The following HMGN3 variants were observed in gnomAD, a reference collection of about 807,000 sequenced individuals.
HMGN3 encodes the protein high mobility group nucleosomal binding domain 3, also known as high mobility group nucleosome-binding domain-containing protein 3.
HMGN3 carries 6 observed loss-of-function variants against 18.8 expected under a neutral mutation model. The observed-to-expected ratio is 0.32, with a 90% confidence interval of 0.18 to 0.63. HMGN3 has a LOEUF of 0.63. Among genes scored for constraint, HMGN3 ranks in the 30% least tolerant of loss-of-function variants. HMGN3 has a pLI of 0.79. For synonymous variants in HMGN3, 40 were observed against 36.5 expected (o/e 1.10, Z -0.35); for missense variants, 107 against 114.2 (o/e 0.94, Z 0.29).
chr6:79,224,732 T>C (rs1777478233), intron 1 of HMGN3, among the ~76,000 whole-genome samples: 1 of 152,226 alleles, frequency 6.6e-6, no homozygotes. Flanking sequence ...AGACGTCAAG[T>C]GACCTTCCCG....
At chr6:79,207,999 C>G (rs987014809) in intron 3 of HMGN3, among the ~76,000 whole-genome samples, 1 of 152,116 alleles carries the variant, frequency 6.6e-6, no homozygotes, top group Non-Finnish European at 1.5e-5. Flanking sequence ...GGATGTCCAC[C>G]TCAGAGGCTC....
intron 1 of HMGN3, among the ~76,000 whole-genome samples, chr6:79,217,254 G>A (rs1777036265): frequency 6.6e-6 from 1 of 152,206 alleles, no homozygotes; most frequent in South Asian, 2.1e-4. Context: ...TACACCTGCA[G>A]TCAGGAACAA....
At chr6:79,218,971 A>G (rs562016630) in intron 1 of HMGN3, among the ~76,000 whole-genome samples, 1 of 152,278 alleles carries the variant, frequency 6.6e-6, no homozygotes, top group South Asian at 2.1e-4. Flanking sequence ...TGAACAAAAG[A>G]GAGGTTAGGT....
At chr6:79,203,126 C>T (rs537941423) in intron 4 of HMGN3, among the ~76,000 whole-genome samples, 2 of 152,272 alleles carry the variant, frequency 1.3e-5, no homozygotes, top group South Asian at 2.1e-4. Context: ...ACCTTATCTG[C>T]CATACTATAA....
At chr6:79,230,570 T>G (rs1456458571) in intron 1 of HMGN3, among the ~76,000 whole-genome samples, 1 of 152,172 alleles carries the variant, frequency 6.6e-6, no homozygotes, top group Admixed American at 6.5e-5. Context: ...AAATTACATC[T>G]CATTATTCTT....
At chr6:79,221,838 C>A (rs1319079018) in intron 1 of HMGN3, among the ~76,000 whole-genome samples, 1 of 124,640 alleles carries the variant, frequency 8.0e-6, no homozygotes, top group Non-Finnish European at 1.8e-5. Flanking sequence ...ATTTTCAGCA[C>A]AGTGTTGGAC....
At chr6:79,213,337 CTTGATTTACTT>C (rs1467055991) in intron 2 of HMGN3, among the ~76,000 whole-genome samples, 1 of 152,146 alleles carries the variant, frequency 6.6e-6, no homozygotes, top group Non-Finnish European at 1.5e-5. Flanking sequence ...TTCTCACAAG[CTTGATTTACTT>C]TTGGTGTAGT....
chr6:79,218,085 A>C (rs1409019265), intron 1 of HMGN3, among the ~76,000 whole-genome samples: 1 of 152,222 alleles, frequency 6.6e-6, no homozygotes, highest in Non-Finnish European at 1.5e-5. Flanking sequence ...GAGACGTTTT[A>C]ACTTTTTGTT....
chr6:79,214,889 T>C, intron 2 of HMGN3, 83 bp downstream of exon 2: 1 of 812,672 alleles, frequency 1.2e-6, no homozygotes, highest in Non-Finnish European at 2.0e-6. Flanking sequence ...ATTGTCCGCA[T>C]TTCATTCAGA....
intron 2 of HMGN3, among the ~76,000 whole-genome samples, chr6:79,212,683 A>G (rs186154541): frequency 1.3e-5 from 2 of 152,356 alleles, no homozygotes; most frequent in Admixed American, 1.3e-4. Flanking sequence ...CCCCTGAAGT[A>G]CTATCTTCTG....
intron 3 of HMGN3, among the ~76,000 whole-genome samples, chr6:79,206,437 G>A (rs1241023462): frequency 3.9e-5 from 6 of 152,134 alleles, no homozygotes; most frequent in African/African-American, 1.4e-4. Context: ...TAAGGTACAG[G>A]GGCTATTGCT....
intron 1 of HMGN3, among the ~76,000 whole-genome samples, chr6:79,219,483 A>G (rs1453958097): frequency 6.6e-6 from 1 of 152,160 alleles, no homozygotes; most frequent in Non-Finnish European, 1.5e-5. Context: ...AAACAAATCT[A>G]GAAGGAAGGA....
At chr6:79,234,318 C>A (rs1389792780) in intron 1 of HMGN3, 1 of 416,846 alleles carries the variant, frequency 2.4e-6, no homozygotes, top group African/African-American at 2.0e-5. Context: ...AGAAGGGAAA[C>A]CGCGTCACTG....
At chr6:79,214,701 C>T (rs570982346) in intron 2 of HMGN3, among the ~76,000 whole-genome samples, 1 of 152,176 alleles carries the variant, frequency 6.6e-6, no homozygotes, top group Non-Finnish European at 1.5e-5. Flanking sequence ...TCAGTATCTG[C>T]TTTAACAGAA....
At chr6:79,226,458 C>G (rs913202819) in intron 1 of HMGN3, among the ~76,000 whole-genome samples, 1 of 152,122 alleles carries the variant, frequency 6.6e-6, no homozygotes, top group African/African-American at 2.4e-5. Flanking sequence ...AAAGAGACCT[C>G]TTTCTTAGCT....
At chr6:79,202,386 C>T in exon 5 of HMGN3, 1 of 1,612,164 alleles carries the variant, frequency 6.2e-7, no homozygotes, top group Non-Finnish European at 8.5e-7. Flanking sequence ...GCTCCAGGTT[C>T]TTTCTAACAG....
chr6:79,207,189 T>C (rs1234741035), intron 3 of HMGN3, among the ~76,000 whole-genome samples: 1 of 152,076 alleles, frequency 6.6e-6, no homozygotes, highest in East Asian at 1.9e-4. Flanking sequence ...GAAGGCATGA[T>C]TGGTTTTGAA....
At chr6:79,228,879 A>G (rs1777693634) in intron 1 of HMGN3, among the ~76,000 whole-genome samples, 1 of 152,196 alleles carries the variant, frequency 6.6e-6, no homozygotes, top group Non-Finnish European at 1.5e-5. Flanking sequence ...AAGATAGTGT[A>G]GCACTGGTAT....
chr6:79,201,780 G>A, intron 5 of HMGN3, 54 bp from the exon 7 acceptor site: 1 of 1,585,136 alleles, frequency 6.3e-7, no homozygotes, highest in Non-Finnish European at 8.5e-7. Context: ...ACTACTATAA[G>A]CAAAGGAAAT....
Sources: allele counts gnomAD v4.1 joint callset (sites outside exome capture counted in the v4.1 genomes callset), GRCh38; gene constraint gnomAD v4.1.1; transcripts MANE v1.5; gene names NCBI Gene and HGNC (gene_info 2026-07-23, HGNC 2026-07-21).